The following NOTCH2 variants were observed in gnomAD, a reference collection of about 807,000 sequenced individuals.
The protein encoded by NOTCH2 is notch receptor 2, also known as neurogenic locus notch homolog protein 2.
NOTCH2 carries 29 observed loss-of-function variants against 235.8 expected under a neutral mutation model. That is an observed-to-expected ratio of 0.12 (90% CI 0.09 to 0.17). The LOEUF is 0.17. NOTCH2 is among the 10% of genes least tolerant of loss of function. NOTCH2 has a pLI of 1.00. For missense variants in NOTCH2, 2,285 were observed against 3,150.2 expected, an observed-to-expected ratio of 0.73 and a Z score of 6.57; for synonymous variants, 1,086 against 1,141.5, an observed-to-expected ratio of 0.95 and a Z score of 0.98.
rs2793830 is a variant in NOTCH2, at chr1:119,923,485, G to A, written c.4859+152C>T. The A allele has an allele frequency of 0.2, 138,776 of 710,782 alleles. 23,808 individuals are homozygous for A. The highest frequency in any genetic ancestry group is 0.73 in the African/African-American group (40,986 of 56,244). 44.0% of individuals were successfully genotyped at this position (710,782 alleles called of 1,614,324 possible). On this transcript the variant is annotated intron_variant, in intron 26 of 33. Transcript: ENST00000256646. ...CGAAGGCATATCTTTACATTTAAAC[G>A]TAAGTACTGGGGTAACGGGTTTATC...
At chr1:119,933,678 T>A (rs782017967) in intron 22 of NOTCH2, among the ~76,000 whole-genome samples, 7 of 152,236 alleles carry the variant, frequency 4.6e-5, no homozygotes, top group Non-Finnish European at 1.0e-4. Flanking sequence ...AAACTAGTAT[T>A]CTAAGCCATC....
intron 4 of NOTCH2, chr1:119,996,327 CAA>C (rs1382489739): frequency 2.9e-6 from 1 of 345,062 alleles, no homozygotes; most frequent in African/African-American, 2.1e-5. Context: ...AAGAGTGTAA[CAA>C]AGTATTGTGC....
intron 11 of NOTCH2, among the ~76,000 whole-genome samples, chr1:119,960,359 C>T (rs782379176): frequency 2.6e-5 from 4 of 151,626 alleles, no homozygotes; most frequent in Non-Finnish European, 5.9e-5. Flanking sequence ...GGTAAGCTGC[C>T]TTATTTTTGC....
At chr1:119,918,318 C>A in intron 32 of NOTCH2, 88 bp downstream of exon 32, 1 of 1,411,064 alleles carries the variant, frequency 7.1e-7, no homozygotes, top group South Asian at 1.2e-5. Flanking sequence ...GGATCTCAGG[C>A]AGTTCTCTAA....
chr1:119,914,902 C>A lies in NOTCH2; in HGVS notation c.*404G>T. Reference sequence around the variant, plus strand: ...GCGTAGGTCAATTCAGGCAGAATTCCAGGGCATAATTCCCAACAGGACGCT... The same window carrying A: ...GCGTAGGTCAATTCAGGCAGAATTCAAGGGCATAATTCCCAACAGGACGCT... On this transcript the variant is annotated 3_prime_UTR_variant, in exon 34 of 34. Coordinates refer to ENST00000256646, the MANE Select transcript of NOTCH2 (RefSeq NM_024408.4). The A allele has an allele frequency of 2.8e-6, 1 of 363,252 alleles. No individual in the cohort carries two copies. The highest frequency in any genetic ancestry group is 5.1e-6 in the Non-Finnish European group (1 of 196,086). The allele number at this position is 363,252 out of a possible 1,614,324, so 22.5% of individuals were successfully genotyped here. A position where few individuals can be genotyped will look rare whatever the true frequency, so the allele number is the denominator to read the frequency against.
chr1:120,003,625 T>A lies in NOTCH2; in HGVS notation c.415+1704A>T, dbSNP rs368156621. On this transcript the variant is annotated intron_variant, in intron 3 of 33. Transcript: ENST00000256646. ...ATGAAGAATGTTCCTCCTTTTCTCATCTAATTTAATAAACACTTTTGAATA... is the reference window on the plus strand; with the variant it reads ...ATGAAGAATGTTCCTCCTTTTCTCAACTAATTTAATAAACACTTTTGAATA... Among the ~76,000 whole-genome samples, 86 of 151,444 alleles carry A rather than the reference T, an allele frequency of 5.7e-4. No homozygotes were observed. In the East Asian group the frequency reaches 0.014, roughly 25 times the overall value.
At position 119,914,253 on chromosome 1, in the gene NOTCH2, T is replaced by C. The variant is rs1648988437; in HGVS notation, c.*1053A>G. ...TCAGATCTGGGACAAATGTGTTCCA[T>C]ACAGGCAGTCAATGGAATGCTTGGC... On this transcript the variant is annotated 3_prime_UTR_variant, in exon 34 of 34. Coordinates refer to ENST00000256646, the MANE Select transcript of NOTCH2 (RefSeq NM_024408.4). The C allele has an allele frequency of 4.3e-6, 1 of 233,154 alleles. No homozygotes were observed. The highest frequency in any genetic ancestry group is 8.5e-6 in the Non-Finnish European group (1 of 118,034). The allele number at this position is 233,154 out of a possible 1,614,324, so 14.4% of individuals were successfully genotyped here. A position where few individuals can be genotyped will look rare whatever the true frequency, so the allele number is the denominator to read the frequency against.
At chr1:119,916,789 T>A in intron 33 of NOTCH2, 95 bp from the exon 34 acceptor site, 1 of 1,248,452 alleles carries the variant, frequency 8.0e-7, no homozygotes, top group South Asian at 1.3e-5. Context: ...CCCTTAGACA[T>A]GTTTTCCTAA....
intron 10 of NOTCH2, among the ~76,000 whole-genome samples, chr1:119,965,186 C>G (rs1409072678): frequency 6.6e-6 from 1 of 152,224 alleles, no homozygotes; most frequent in Non-Finnish European, 1.5e-5. Flanking sequence ...ATCTAGCCAG[C>G]TGGAAACTTA....
intron 5 of NOTCH2, among the ~76,000 whole-genome samples, chr1:119,980,901 C>A (rs1455705753): frequency 1.3e-5 from 2 of 152,134 alleles, no homozygotes; most frequent in Admixed American, 1.3e-4. Flanking sequence ...GAGCTCTCTT[C>A]CCACCTCTCA....
chr1:120,000,013 A>AAGGAAGGG (rs1652683825), intron 3 of NOTCH2, among the ~76,000 whole-genome samples: 5 of 148,072 alleles, frequency 3.4e-5, no homozygotes, highest in Admixed American at 6.7e-5. Context: ...GGAAGGAAGG[A>AAGGAAGGG]AGGGAGAAAG....
intron 3 of NOTCH2, among the ~76,000 whole-genome samples, chr1:119,998,685 T>TTA (rs1553204715): frequency 2.0e-5 from 3 of 149,974 alleles, no homozygotes; most frequent in Non-Finnish European, 4.5e-5. Context: ...TCCTTGAATT[T>TTA]TTATTATTAT....
chr1:119,940,891 C>A, intron 18 of NOTCH2, 135 bp from the exon 19 acceptor site: 1 of 789,512 alleles, frequency 1.3e-6, no homozygotes, highest in South Asian at 1.5e-5. Context: ...AACTTTCTTA[C>A]AAGCTAGATT....
intron 5 of NOTCH2, among the ~76,000 whole-genome samples, chr1:119,975,586 C>A (rs1238755164): frequency 1.4e-5 from 2 of 146,922 alleles, no homozygotes; most frequent in Admixed American, 7.0e-5. Flanking sequence ...GCGGAGGTGG[C>A]AGTGATCTGA....
At chr1:120,004,067 A>G (rs1553205912) in intron 3 of NOTCH2, among the ~76,000 whole-genome samples, 1 of 150,812 alleles carries the variant, frequency 6.6e-6, no homozygotes, top group Non-Finnish European at 1.5e-5. Context: ...AGATTGTTAG[A>G]ATATTTGCAT....
chr1:119,972,122 G>A (rs1651388385), intron 5 of NOTCH2, among the ~76,000 whole-genome samples: 1 of 147,258 alleles, frequency 6.8e-6, no homozygotes, highest in Admixed American at 6.7e-5. Context: ...GAAAGGGAGG[G>A]AGGAAGGTAA....
intron 31 of NOTCH2, 120 bp downstream of exon 31, chr1:119,919,192 A>T: frequency 8.9e-7 from 1 of 1,120,700 alleles, no homozygotes; most frequent in Non-Finnish European, 1.3e-6. Flanking sequence ...TGACTCTAAT[A>T]CCTGCCCTAA....
intron 14 of NOTCH2, among the ~76,000 whole-genome samples, 166 bp from the exon 15 acceptor site, chr1:119,951,003 T>C (rs1650449390): frequency 6.6e-6 from 1 of 152,206 alleles, no homozygotes. Context: ...GTCCCTGAAA[T>C]ACAGTCAGTA....
chr1:119,935,367 C>T (rs782630792), intron 22 of NOTCH2, 105 bp downstream of exon 22: 229 of 1,610,124 alleles, frequency 1.4e-4, no homozygotes, highest in Non-Finnish European at 1.8e-4. Context: ...TGGAATGAAG[C>T]TAGTCTTCCT....
Sources: allele counts gnomAD v4.1 joint callset (sites outside exome capture counted in the v4.1 genomes callset), GRCh38; gene constraint gnomAD v4.1.1; transcripts MANE v1.5; gene names NCBI Gene and HGNC (gene_info 2026-07-23, HGNC 2026-07-21).